ZNF37A: variants seen among roughly 807,000 people sequenced by gnomAD.
ZNF37A encodes zinc finger protein 37a (KOX 21).
A neutral mutation model predicts 12.3 loss-of-function variants in ZNF37A; 10 were observed. That is an observed-to-expected ratio of 0.82 (90% confidence interval 0.50 to 1.38). The LOEUF (loss-of-function observed/expected upper bound fraction) is 1.38. ZNF37A is among the 40% of genes most tolerant of loss of function. The probability of loss-of-function intolerance (pLI) is 0.00; values close to 1 mark genes in which losing one functional copy is unlikely to be tolerated. For synonymous variants in ZNF37A, 207 were observed against 223.0 expected (o/e 0.93, Z 0.64); for missense variants, 580 against 651.2 (o/e 0.89, Z 1.19).
At chr10:38,131,662 T>C (rs2070029404) in intron 7 of ZNF37A, among the ~76,000 whole-genome samples, 1 of 152,168 alleles carries the variant, frequency 6.6e-6, no homozygotes, top group African/African-American at 2.4e-5. Context: ...CCCTCTGTAA[T>C]TTTATATGAA....
chr10:38,095,483 A>C (rs971763585), intron 2 of ZNF37A, 55 bp from the exon 3 acceptor site: 1 of 152,484 alleles, frequency 6.6e-6, no homozygotes, highest in Admixed American at 6.5e-5. Context: ...AGAGCTTAGC[A>C]GCCAAGTGGA....
intron 7 of ZNF37A, chr10:38,115,810 A>G (rs2069227581): frequency 6.6e-6 from 1 of 152,024 alleles, no homozygotes; most frequent in African/African-American, 2.4e-5. Context: ...GGTCTTTGGG[A>G]GGCTGAGGTG....
At chr10:38,114,457 CTT>C (rs995816315) in intron 5 of ZNF37A, among the ~76,000 whole-genome samples, 9 of 152,128 alleles carry the variant, frequency 5.9e-5, no homozygotes, top group African/African-American at 2.2e-4. Flanking sequence ...ATGTTCCTCT[CTT>C]GTAAGGAAGA....
chr10:38,098,532 T>C (rs1462976922), intron 5 of ZNF37A, among the ~76,000 whole-genome samples: 4 of 152,220 alleles, frequency 2.6e-5, no homozygotes, highest in South Asian at 2.1e-4. Context: ...GGGAGTGTTA[T>C]CATCTTAATA....
chr10:38,118,789 G>A lies in ZNF37A; in HGVS notation c.1638G>A (p.Leu546=), dbSNP rs1029685959. Residue 546 remains leucine (L), a synonymous_variant, in exon 8 of 8, where the codon TTG becomes TTA. Coordinates refer to ENST00000685332, the MANE Select transcript of ZNF37A (RefSeq NM_001324250.3). ...TAACTGTACATCAGAGAATACACTT[G>A]GGGAGAAACCCTATAAATGTAGTAA... The part of the protein sequence containing the change: ...SKLTVHQRIH[L]GRNPINVVNE... 1 of 1,605,478 alleles carries A rather than the reference G, an allele frequency of 6.2e-7. No homozygotes were observed. The highest frequency in any genetic ancestry group is 1.3e-5 in the African/African-American group (1 of 74,564).
rs745565895 is a variant in ZNF37A, at chr10:38,117,934, A to G, written c.783A>G (p.Gln261=). 2 of 1,613,956 alleles carry G rather than the reference A, an allele frequency of 1.2e-6. No individual in the cohort carries two copies. Among genetic ancestry groups the G allele is most frequent in the Non-Finnish European group, 1.7e-6 (2 of 1,180,008 alleles). ...FFSEKLVLHL[Q]QRTHTGEKPY... Reference sequence around the variant, plus strand: ...GTGAAAAATTAGTCCTTCATTTACAACAGAGAACACATACAGGAGAAAAAC... The same window carrying G: ...GTGAAAAATTAGTCCTTCATTTACAGCAGAGAACACATACAGGAGAAAAAC... Residue 261 remains glutamine (Q), a synonymous_variant, in exon 8 of 8, where the codon CAA becomes CAG. Transcript: ENST00000685332.
At chr10:38,110,912 A>G (rs2068592442) in intron 5 of ZNF37A, among the ~76,000 whole-genome samples, 1 of 152,216 alleles carries the variant, frequency 6.6e-6, no homozygotes, top group Admixed American at 6.5e-5. Context: ...ACCATTGTGG[A>G]AGACAGTGTG....
intron 5 of ZNF37A, among the ~76,000 whole-genome samples, chr10:38,105,922 A>G (rs933805654): frequency 2.0e-5 from 3 of 152,222 alleles, no homozygotes; most frequent in Non-Finnish European, 1.5e-5. Flanking sequence ...AAATAATGTT[A>G]TCTGCAAATA....
intron 7 of ZNF37A, among the ~76,000 whole-genome samples, chr10:38,131,844 T>A: frequency 6.6e-6 from 1 of 152,184 alleles, no homozygotes; most frequent in East Asian, 1.9e-4. Context: ...TATAAGTTTT[T>A]AACCTCCTTA....
intron 7 of ZNF37A, among the ~76,000 whole-genome samples, chr10:38,134,613 T>C (rs1482635018): frequency 6.6e-6 from 1 of 152,196 alleles, no homozygotes; most frequent in African/African-American, 2.4e-5. Flanking sequence ...ATAGCAAATA[T>C]TACAGAATGG....
exon 8 of ZNF37A, chr10:38,147,864 C>G (rs912614490): frequency 2.0e-5 from 3 of 152,178 alleles, no homozygotes; most frequent in African/African-American, 7.2e-5. Context: ...GGACAATAGG[C>G]CTTTCTCTCA....
chr10:38,111,257 C>G (rs2068623847), intron 5 of ZNF37A, among the ~76,000 whole-genome samples: 2 of 152,046 alleles, frequency 1.3e-5, no homozygotes, highest in Non-Finnish European at 1.5e-5. Flanking sequence ...ACTGCATGTT[C>G]TCACTCATAA....
At chr10:38,115,444 ACT>A (rs1222368178) in intron 7 of ZNF37A, 154 bp downstream of exon 7, 7 of 1,028,694 alleles carry the variant, frequency 6.8e-6, no homozygotes, top group Admixed American at 3.2e-5. Flanking sequence ...ATATGCAGTG[ACT>A]CTGAATCACC....
chr10:38,102,678 G>A, intron 5 of ZNF37A, among the ~76,000 whole-genome samples: 1 of 152,122 alleles, frequency 6.6e-6, no homozygotes. Context: ...TGGAGTTACT[G>A]TCTAGTATCC....
Position 38,117,738 on chromosome 10 carries a change from CAA to C in ZNF37A, c.588_589del (p.Glu198LysfsTer5). Reference sequence around the variant, plus strand: ...TTCATCACTCATCAGCAAACACATCCAAGAGAAAACCACTATGGTAATGAATG... The same window carrying C: ...TTCATCACTCATCAGCAAACACATCCGAGAAAACCACTATGGTAATGAATG... On this transcript the variant is annotated frameshift_variant, in exon 8 of 8. Transcript: ENST00000685332. LOFTEE classifies it low-confidence loss of function (END_TRUNC). The C allele has an allele frequency of 6.2e-7, 1 of 1,613,894 alleles. No homozygotes were observed. Among genetic ancestry groups the C allele is most frequent in the South Asian group, 1.1e-5 (1 of 91,048 alleles).
intron 5 of ZNF37A, among the ~76,000 whole-genome samples, chr10:38,109,350 AAG>A (rs2068431535): frequency 1.3e-5 from 2 of 152,188 alleles, no homozygotes; most frequent in African/African-American, 4.8e-5. Context: ...AAATAATAAT[AAG>A]AGCTATTTAT....
chr10:38,118,284 C>A lies in ZNF37A; in HGVS notation c.1133C>A (p.Thr378Lys). The change falls in exon 8 of 8, where the codon ACA becomes AAA. Residue 378 changes from threonine (T) to lysine (K), a missense_variant. Physicochemically the swap from Thr to Lys is moderately conservative, Grantham distance 78. Coordinates refer to ENST00000685332, the MANE Select transcript of ZNF37A (RefSeq NM_001324250.3). ...CTTACTGTGCATCAGAAAACACACA[C>A]AGGGGAGAAGCCCTATGAATGCTAT... is the stretch of plus-strand genomic sequence containing the variant. The part of the protein sequence containing the change: ...SVLTVHQKTH[T>K]GEKPYECYAC... The A allele has an allele frequency of 6.2e-7, 1 of 1,613,836 alleles. No individual in the cohort carries two copies. Among genetic ancestry groups the A allele is most frequent in the Non-Finnish European group, 8.5e-7 (1 of 1,179,962 alleles).
chr10:38,142,533 A>C (rs2070198485), intron 7 of ZNF37A: 1 of 152,212 alleles, frequency 6.6e-6, no homozygotes, highest in African/African-American at 2.4e-5. Context: ...AAGCTTGCTC[A>C]GGTACAACTC....
chr10:38,132,366 G>A (rs570269183), intron 7 of ZNF37A, among the ~76,000 whole-genome samples: 3 of 152,064 alleles, frequency 2.0e-5, no homozygotes, highest in Admixed American at 2.0e-4. Flanking sequence ...TCATGTATAG[G>A]TTTTTCCCCC....
Sources: allele counts gnomAD v4.1 joint callset (sites outside exome capture counted in the v4.1 genomes callset), GRCh38; gene constraint gnomAD v4.1.1; transcripts MANE v1.5; gene names NCBI Gene and HGNC (gene_info 2026-07-23, HGNC 2026-07-21).